DBI: variants seen among roughly 807,000 people sequenced by gnomAD.
DBI encodes acyl-CoA-binding protein.
DBI carries 12 observed loss-of-function variants against 13.0 expected under a neutral mutation model. That is an observed-to-expected ratio of 0.92 (90% CI 0.59 to 1.49). DBI has a LOEUF of 1.49. Among genes scored for constraint, DBI ranks in the 40% most tolerant of loss-of-function variants. The pLI, the probability that DBI is intolerant of heterozygous loss-of-function variation, is 0.00. For missense variants in DBI, 95 were observed against 104.8 expected, an observed-to-expected ratio of 0.91 and a Z score of 0.41; for synonymous variants, 37 against 37.4, an observed-to-expected ratio of 0.99 and a Z score of 0.04.
At position 119,372,481 on chromosome 2, in the gene DBI, T is replaced by C. The variant is rs1399754321; in HGVS notation, c.*163T>C. Reference sequence around the variant, plus strand: ...TCTAACAGATTAGGGGCTAAAACGATTACTGACTTTCCTTGAGTAGTTTTT... The same window carrying C: ...TCTAACAGATTAGGGGCTAAAACGACTACTGACTTTCCTTGAGTAGTTTTT... On this transcript the variant is annotated 3_prime_UTR_variant, in exon 4 of 4. Coordinates refer to ENST00000355857, the MANE Select transcript of DBI (RefSeq NM_001079862.4). The C allele has an allele frequency of 1.9e-6, 1 of 535,784 alleles. No individual in the cohort carries two copies. Among genetic ancestry groups the C allele is most frequent in the Admixed American group, 3.3e-5 (1 of 30,488 alleles). 33.2% of individuals were successfully genotyped at this position (535,784 alleles called of 1,614,324 possible).
At chr2:119,367,612 C>T in intron 1 of DBI, 1 of 1,614,090 alleles carries the variant, frequency 6.2e-7, no homozygotes, top group Non-Finnish European at 8.5e-7. Context: ...GCTCCTCCCG[C>T]CTGCCTCTGC....
intron 2 of DBI, among the ~76,000 whole-genome samples, chr2:119,369,029 T>C (rs1009328466): frequency 2.2e-4 from 34 of 152,152 alleles, no homozygotes; most frequent in Non-Finnish European, 3.8e-4. Context: ...ATTTCCGCAG[T>C]AGCTGGGGTG....
chr2:119,370,670 G>A, intron 2 of DBI, 70 bp from the exon 3 acceptor site: 1 of 1,428,154 alleles, frequency 7.0e-7, no homozygotes, highest in Non-Finnish European at 9.8e-7. Flanking sequence ...GGCATTTATG[G>A]CAAGAAGGTT....
intron 1 of DBI, chr2:119,367,321 G>A: frequency 7.0e-7 from 1 of 1,437,630 alleles, no homozygotes; most frequent in Middle Eastern, 2.0e-4. Context: ...AGAGGGGTGG[G>A]AGTCGAGGGT....
intron 3 of DBI, 39 bp downstream of exon 3, chr2:119,370,841 A>G: frequency 6.4e-7 from 1 of 1,562,202 alleles, no homozygotes; most frequent in African/African-American, 1.4e-5. Flanking sequence ...TGTGAAACCC[A>G]GTAGTGAAAG....
At chr2:119,368,124 G>A (rs981780055) in intron 1 of DBI, 64 bp from the exon 2 acceptor site, 7 of 1,523,358 alleles carry the variant, frequency 4.6e-6, no homozygotes, top group Admixed American at 1.7e-5. Flanking sequence ...TCAGGCCACA[G>A]TAGGATTCTT....
chr2:119,368,436 T>A lies in DBI; in HGVS notation c.127+131T>A, dbSNP rs532193299. ...TCTTCAGGTGGGGTATGGTGATGGT[T>A]CCTGAGGTGGAAAAGACCATGTTCC... On this transcript the variant is annotated intron_variant, in intron 2 of 3. Transcript: ENST00000355857. The A allele has an allele frequency of 1.4e-5, 10 of 697,520 alleles. No individual in the cohort carries two copies. In the South Asian group the frequency reaches 1.6e-4, roughly 11 times the overall value. The allele number at this position is 697,520 out of a possible 1,614,324, so 43.2% of individuals were successfully genotyped here. A position where few individuals can be genotyped will look rare whatever the true frequency, so the allele number is the denominator to read the frequency against.
Position 119,372,447 on chromosome 2 carries a change from C to A in DBI, c.*129C>A, listed in dbSNP as rs1404571397. On this transcript the variant is annotated 3_prime_UTR_variant, in exon 4 of 4. Transcript: ENST00000355857. ...TAAACCAGCTACTCAAGGCTGCTCA[C>A]CATACGGCTCTAACAGATTAGGGGC... The A allele has an allele frequency of 1.2e-5, 8 of 665,628 alleles. No individual in the cohort carries two copies. Among genetic ancestry groups the A allele is most frequent in the Non-Finnish European group, 5.3e-6 (2 of 374,134 alleles). The allele number at this position is 665,628 out of a possible 1,614,324, so 41.2% of individuals were successfully genotyped here.
rs899695607 is a variant in DBI at position 119,367,863 on chromosome 2, C to A, written c.10-325C>A. ...CGCGCTGCTTCTCCCGCAGAGGGGA[C>A]CCCCACTGGGGGCGAAGGCTTGGCC... is the stretch of plus-strand genomic sequence containing the variant. On this transcript the variant is annotated intron_variant, in intron 1 of 3. Transcript: ENST00000355857. The A allele has an allele frequency of 7.4e-6, 12 of 1,613,942 alleles. No individual in the cohort carries two copies. The East Asian group carries it at 2.2e-4, about 30-fold the overall frequency.
rs1251076763 is a variant in DBI, at chr2:119,372,396, G to T, written c.*78G>T. 33 of 1,166,862 alleles carry T rather than the reference G, an allele frequency of 2.8e-5. No homozygotes were observed. Among genetic ancestry groups the T allele is most frequent in the Non-Finnish European group, 4.2e-5 (33 of 780,402 alleles). The allele number at this position is 1,166,862 out of a possible 1,614,324, so 72.3% of individuals were successfully genotyped here. On this transcript the variant is annotated 3_prime_UTR_variant, in exon 4 of 4. Coordinates refer to ENST00000355857, the MANE Select transcript of DBI (RefSeq NM_001079862.4). Reference sequence around the variant, plus strand: ...CTTGTTTTTTTCTAATACCGTGGATGGTGGGAATTCGGGAAAATAACCAGT... The same window carrying T: ...CTTGTTTTTTTCTAATACCGTGGATTGTGGGAATTCGGGAAAATAACCAGT...
Position 119,366,979 on chromosome 2 carries a change from T to G in DBI, c.-73T>G. The stretch of plus-strand genomic sequence containing the variant: ...CCGCGCCTCTAAAGGCGCTTGCCAG[T>G]GCAATCTGGGCGATCGCTTCCTGGT... On this transcript the variant is annotated 5_prime_UTR_variant, in exon 1 of 4. Transcript: ENST00000355857. 2 of 1,602,696 alleles carry G rather than the reference T, an allele frequency of 1.2e-6. No homozygotes were observed. Among genetic ancestry groups the G allele is most frequent in the Non-Finnish European group, 1.7e-6 (2 of 1,170,940 alleles).
intron 1 of DBI, chr2:119,367,580 G>A (rs199851363): frequency 5.8e-5 from 94 of 1,614,060 alleles, no homozygotes; most frequent in Admixed American, 3.3e-4. Flanking sequence ...GTCTGAGACC[G>A]AGCTATGTGG....
rs8192506 is a variant in DBI at position 119,372,265 on chromosome 2, A to G, written c.211A>G (p.Met71Val). 0.034 allele frequency: 54,302 copies of G among 1,612,796 alleles called. 1,114 individuals are homozygous for G. Among genetic ancestry groups the G allele is most frequent in the Non-Finnish European group, 0.04 (47,594 of 1,178,772 alleles). ...TACAGGGACTTCCAAGGAAGATGCC[A>G]TGAAAGCTTACATCAACAAAGTAGA... ...ELKGTSKEDAMKAYINKVEEL... is the reference protein window; with the variant it reads ...ELKGTSKEDAVKAYINKVEEL... The change falls in exon 4 of 4, where the codon ATG becomes GTG. Residue 71 changes from methionine (M) to valine (V), a missense_variant. Physicochemically the swap from Met to Val is conservative, Grantham distance 21. Coordinates refer to ENST00000355857, the MANE Select transcript of DBI (RefSeq NM_001079862.4).
rs981501517 is a variant in DBI at position 119,367,237 on chromosome 2, G to A, written c.9+177G>A. The A allele has an allele frequency of 9.0e-6, 13 of 1,439,816 alleles. No individual in the cohort carries two copies. The South Asian group carries it at 1.8e-4, about 19-fold the overall frequency. The allele number at this position is 1,439,816 out of a possible 1,614,324, so 89.2% of individuals were successfully genotyped here. A position where few individuals can be genotyped will look rare whatever the true frequency, so the allele number is the denominator to read the frequency against. ...CTTGTGAGCGGGATTTTCCGTTTGG[G>A]GATTTCTAAATCTGCTGCCCACCCC... On this transcript the variant is annotated intron_variant, in intron 1 of 3. Transcript: ENST00000355857.
At chr2:119,370,871 A>C (rs1681467097) in intron 3 of DBI, 69 bp downstream of exon 3, 10 of 1,422,888 alleles carry the variant, frequency 7.0e-6, no homozygotes, top group Non-Finnish European at 9.8e-6. Context: ...TATGAAGTGT[A>C]AGGGAAGAGG....
At position 119,368,320 on chromosome 2, in the gene DBI, G is replaced by A. The variant is rs1198822950; in HGVS notation, c.127+15G>A. 1.9e-6 allele frequency: 3 copies of A among 1,587,994 alleles called. No individual in the cohort carries two copies. The highest frequency in any genetic ancestry group is 2.2e-5 in the East Asian group (1 of 44,768). ...CATAAATACAGGTATGCAGAGCGGG[G>A]GTTGGAAGGGCATCTGCTCATCAAA... On this transcript the variant is annotated intron_variant, in intron 2 of 3. Transcript: ENST00000355857.
At position 119,372,340 on chromosome 2, in the gene DBI, G is replaced by T; in HGVS notation, c.*22G>T. The T allele has an allele frequency of 6.4e-7, 1 of 1,573,062 alleles. No individual in the cohort carries two copies. ...ATGAGAGACTGGATTTGGTTACTGT[G>T]CCATGTGTTTATCCTAAACTGAGAC... is the stretch of plus-strand genomic sequence containing the variant. On this transcript the variant is annotated 3_prime_UTR_variant, in exon 4 of 4. Coordinates refer to ENST00000355857, the MANE Select transcript of DBI (RefSeq NM_001079862.4).
chr2:119,368,332 A>C (rs2104684582), intron 2 of DBI, 27 bp downstream of exon 2: 1 of 1,555,054 alleles, frequency 6.4e-7, no homozygotes, highest in Non-Finnish European at 8.9e-7. Context: ...TTGGAAGGGC[A>C]TCTGCTCATC....
chr2:119,369,695 A>G (rs1421428848), intron 2 of DBI, among the ~76,000 whole-genome samples: 1 of 152,154 alleles, frequency 6.6e-6, no homozygotes, highest in African/African-American at 2.4e-5. Flanking sequence ...CTGAGGCAGG[A>G]GAATCGCTTG....
Sources: gnomAD v4.1 joint callset for allele counts (sites outside exome capture counted in the v4.1 genomes callset) on GRCh38, gnomAD v4.1.1 for gene constraint, MANE v1.5 for transcripts, NCBI Gene and HGNC (gene_info 2026-07-23, HGNC 2026-07-21) for gene names.